NPAS3: variants seen among roughly 807,000 people sequenced by gnomAD.
The protein encoded by NPAS3 is neuronal PAS domain-containing protein 3.
NPAS3 carries 14 observed loss-of-function variants against 73.1 expected under a neutral mutation model. That is an observed-to-expected ratio of 0.19 (90% confidence interval 0.13 to 0.30). The LOEUF (loss-of-function observed/expected upper bound fraction) is 0.30, where lower values mean the gene tolerates loss of function less well. Ranked by LOEUF, NPAS3 falls within the 10% of genes least tolerant of loss-of-function variation. NPAS3 has a pLI of 1.00. For missense variants in NPAS3, 1,096 were observed against 1,250.0 expected, an observed-to-expected ratio of 0.88 and a Z score of 1.86; for synonymous variants, 620 against 541.5, an observed-to-expected ratio of 1.14 and a Z score of -2.01.
At chr14:32,936,350 C>A (rs1052851897), upstream of NPAS3, among the ~76,000 whole-genome samples, 1 of 151,146 alleles carries the variant, frequency 6.6e-6, no homozygotes, top group Non-Finnish European at 1.5e-5. Context: ...CAAAAAGGGG[C>A]TATTCCTTGT....
chr14:33,250,019 A>T (rs2048525383), intron 3 of NPAS3, among the ~76,000 whole-genome samples: 3 of 152,110 alleles, frequency 2.0e-5, no homozygotes, highest in African/African-American at 7.2e-5. Flanking sequence ...TTTGCTACAA[A>T]CAAGTGGCCA....
chr14:33,443,787 G>A (rs115069359), intron 4 of NPAS3, among the ~76,000 whole-genome samples: 1 of 152,220 alleles, frequency 6.6e-6, no homozygotes, highest in African/African-American at 2.4e-5. Context: ...GGGGAGCCCA[G>A]CCTGCTAGGT....
chr14:33,001,461 T>C (rs994608746), intron 1 of NPAS3, among the ~76,000 whole-genome samples: 3 of 152,154 alleles, frequency 2.0e-5, no homozygotes, highest in Non-Finnish European at 4.4e-5. Flanking sequence ...CGTCCTTCTT[T>C]TTCACCTGAA....
At chr14:32,949,975 A>G (rs1167012063) in intron 1 of NPAS3, among the ~76,000 whole-genome samples, 1 of 152,052 alleles carries the variant, frequency 6.6e-6, no homozygotes, top group East Asian at 1.9e-4. Flanking sequence ...TTATACACCA[A>G]AGTATAGAGG....
intron 5 of NPAS3, among the ~76,000 whole-genome samples, chr14:33,580,155 C>T (rs1158814149): frequency 6.6e-5 from 10 of 152,034 alleles, no homozygotes; most frequent in African/African-American, 2.4e-4. Flanking sequence ...TTCTAAGATG[C>T]AGAATTTGGC....
At chr14:33,488,674 T>A (rs138319498) in intron 4 of NPAS3, among the ~76,000 whole-genome samples, 2,576 of 152,308 alleles carry the variant, frequency 0.017, 65 homozygotes, top group African/African-American at 0.057. Flanking sequence ...TGGGAATATT[T>A]GTTCCCTGTT....
At chr14:33,044,603 C>CA (rs2040442779) in intron 1 of NPAS3, among the ~76,000 whole-genome samples, 2 of 151,300 alleles carry the variant, frequency 1.3e-5, no homozygotes, top group Non-Finnish European at 1.5e-5. Context: ...TTGTGCAAGA[C>CA]ATAGGATATG....
At chr14:33,626,043 C>A (rs1291483703) in intron 5 of NPAS3, among the ~76,000 whole-genome samples, 4 of 152,154 alleles carry the variant, frequency 2.6e-5, no homozygotes, top group African/African-American at 4.8e-5. Flanking sequence ...TAGATAATGG[C>A]AAAACCAGAA....
chr14:33,721,026 A>G (rs1209900508), intron 6 of NPAS3, among the ~76,000 whole-genome samples: 1 of 152,216 alleles, frequency 6.6e-6, no homozygotes, highest in Non-Finnish European at 1.5e-5. Context: ...CCAAAAATGA[A>G]GTAGAAAATA....
intron 2 of NPAS3, among the ~76,000 whole-genome samples, chr14:33,180,522 G>A: frequency 6.6e-6 from 1 of 152,112 alleles, no homozygotes; most frequent in East Asian, 1.9e-4. Context: ...AGGGTAGGCT[G>A]GGCACGGTGG....
At chr14:33,329,098 A>G (rs894697011) in intron 3 of NPAS3, among the ~76,000 whole-genome samples, 1 of 152,178 alleles carries the variant, frequency 6.6e-6, no homozygotes, top group African/African-American at 2.4e-5. Flanking sequence ...CCCTAAATTG[A>G]TAGCTCAGGT....
At chr14:33,172,505 G>A (rs2045428909) in intron 2 of NPAS3, among the ~76,000 whole-genome samples, 6 of 152,148 alleles carry the variant, frequency 3.9e-5, no homozygotes. Context: ...GGAGGCCAAG[G>A]CAGGCAGATC....
intron 3 of NPAS3, among the ~76,000 whole-genome samples, chr14:33,226,387 G>A (rs2047632792): frequency 6.6e-6 from 1 of 152,130 alleles, no homozygotes; most frequent in Non-Finnish European, 1.5e-5. Flanking sequence ...TTTAAAGTAT[G>A]TTGTGACTGT....
At chr14:33,558,173 C>T (rs902217521) in intron 4 of NPAS3, among the ~76,000 whole-genome samples, 1 of 152,096 alleles carries the variant, frequency 6.6e-6, no homozygotes, top group Non-Finnish European at 1.5e-5. Context: ...GAATTGTTTT[C>T]AGAACCCAAG....
intron 4 of NPAS3, among the ~76,000 whole-genome samples, chr14:33,548,255 A>G (rs2054938210): frequency 1.3e-5 from 2 of 152,194 alleles, no homozygotes; most frequent in Admixed American, 6.5e-5. Flanking sequence ...TAATTTTAAT[A>G]AGGCTAATAG....
At chr14:33,774,629 A>C in intron 8 of NPAS3, 99 bp downstream of exon 8, 1 of 946,714 alleles carries the variant, frequency 1.1e-6, no homozygotes, top group Non-Finnish European at 1.6e-6. Flanking sequence ...AGTGAGGTTC[A>C]TTCTAAATCC....
At chr14:33,676,362 C>A in exon 6 of NPAS3, 1 of 1,588,428 alleles carries the variant, frequency 6.3e-7, no homozygotes, top group Non-Finnish European at 8.5e-7. Context: ...TCTTCCTCCT[C>A]TCAGTCGGAG....
intron 5 of NPAS3, among the ~76,000 whole-genome samples, chr14:33,650,336 G>A (rs530152455): frequency 9.6e-4 from 146 of 152,260 alleles, no homozygotes; most frequent in Admixed American, 1.2e-3. Context: ...TGCAGGGATA[G>A]TGGGGCAAGA....
intron 4 of NPAS3, among the ~76,000 whole-genome samples, chr14:33,431,153 T>A (rs2048768063): frequency 6.6e-6 from 1 of 152,204 alleles, no homozygotes; most frequent in African/African-American, 2.4e-5. Flanking sequence ...GTTGGTTGAT[T>A]ACTTTTCCAT....
Sources: gnomAD v4.1 joint callset for allele counts (sites outside exome capture counted in the v4.1 genomes callset) on GRCh38, gnomAD v4.1.1 for gene constraint, MANE v1.5 for transcripts, NCBI Gene and HGNC (gene_info 2026-07-23, HGNC 2026-07-21) for gene names.